RGL1: variants seen among roughly 807,000 people sequenced by gnomAD.
RGL1 encodes ral guanine nucleotide dissociation stimulator-like 1.
Under a neutral mutation model 95.2 loss-of-function variants are expected in RGL1, and 24 were observed. The observed-to-expected ratio is 0.25, with a 90% CI of 0.18 to 0.35. RGL1 has a LOEUF of 0.35. Among genes scored for constraint, RGL1 ranks in the 10% least tolerant of loss-of-function variants. The pLI is 1.00. For synonymous variants in RGL1, 329 were observed against 344.9 expected, an observed-to-expected ratio of 0.95 and a Z score of 0.51; for missense variants, 715 against 936.3, an observed-to-expected ratio of 0.76 and a Z score of 3.08.
chr1:183,870,022 G>A (rs1187038654), intron 4 of RGL1, among the ~76,000 whole-genome samples: 1 of 152,204 alleles, frequency 6.6e-6, no homozygotes, highest in East Asian at 1.9e-4. Context: ...CAGGGATGCT[G>A]CTAAACGTCC....
intron 1 of RGL1, among the ~76,000 whole-genome samples, chr1:183,659,020 C>T (rs1558138485): frequency 6.6e-6 from 1 of 151,800 alleles, no homozygotes; most frequent in African/African-American, 2.4e-5. Context: ...GGAAAACTAA[C>T]AAACAGAAAG....
At chr1:183,770,632 TGGGAAAACA>T (rs1659226159) in intron 2 of RGL1, among the ~76,000 whole-genome samples, 1 of 151,978 alleles carries the variant, frequency 6.6e-6, no homozygotes, top group East Asian at 1.9e-4. Context: ...TAACCATATG[TGGGAAAACA>T]GGAATTAGGG....
chr1:183,926,305 G>T lies in RGL1; in HGVS notation c.*13G>T. ...AATCACCCTCTGAAGGGAGGGACCA[G>T]TGGCCCCTTGTTTGCCAAAGGCAGA... On this transcript the variant is annotated 3_prime_UTR_variant, in exon 18 of 18. Transcript: ENST00000360851. 2.5e-6 allele frequency: 4 copies of T among 1,591,604 alleles called. No individual in the cohort carries two copies. In the South Asian group the frequency reaches 3.4e-5, roughly 13 times the overall value.
intron 2 of RGL1, among the ~76,000 whole-genome samples, chr1:183,785,276 C>T (rs1382928994): frequency 1.3e-5 from 2 of 152,226 alleles, no homozygotes; most frequent in African/African-American, 4.8e-5. Context: ...TATTTTCGGT[C>T]CACCCGTGAA....
chr1:183,648,798 T>C (rs1650508613), intron 1 of RGL1: 1 of 1,548,570 alleles, frequency 6.5e-7, no homozygotes, highest in African/African-American at 1.4e-5. Flanking sequence ...ATTTACTGTC[T>C]TCTAGCTGCA....
At chr1:183,858,856 A>G (rs1454058886) in intron 3 of RGL1, among the ~76,000 whole-genome samples, 1 of 152,238 alleles carries the variant, frequency 6.6e-6, no homozygotes, top group Non-Finnish European at 1.5e-5. Flanking sequence ...AAAGAAAAGT[A>G]TTCTTGAAAA....
At chr1:183,787,867 C>T (rs1192015585) in intron 2 of RGL1, among the ~76,000 whole-genome samples, 2 of 152,048 alleles carry the variant, frequency 1.3e-5, no homozygotes, top group Non-Finnish European at 2.9e-5. Flanking sequence ...GTCTCTCTTG[C>T]TTCCTCTCTC....
intron 2 of RGL1, among the ~76,000 whole-genome samples, chr1:183,816,639 G>T (rs1242456971): frequency 6.6e-6 from 1 of 152,164 alleles, no homozygotes; most frequent in Non-Finnish European, 1.5e-5. Flanking sequence ...TAATATGTAA[G>T]TTTTTATACA....
chr1:183,681,702 G>A (rs548201524), intron 1 of RGL1, among the ~76,000 whole-genome samples: 4 of 152,258 alleles, frequency 2.6e-5, no homozygotes, highest in Non-Finnish European at 4.4e-5. Context: ...AATGAGTTAC[G>A]GAGGAGTTCC....
rs575599044 is a variant in RGL1 at position 183,811,569 on chromosome 1, T to A, written c.138+5084T>A. Among the ~76,000 whole-genome samples the A allele has an allele frequency of 1.3e-4, 20 of 152,344 alleles. 1 individual carries two copies. The South Asian group carries it at 4.1e-3, about 32-fold the overall frequency. ...CCAACTGGTATTTTTAATTTTGACC[T>A]TAGAAACACGTTTTTAAAATTATTA... is the stretch of plus-strand genomic sequence containing the variant. On this transcript the variant is annotated intron_variant, in intron 2 of 17. Transcript: ENST00000360851.
rs79098726 is a variant in RGL1 at position 183,875,983 on chromosome 1, T to C, written c.426-4633T>C. The stretch of plus-strand genomic sequence containing the variant: ...GATCTTTAAGTCCTCTACAAGTGTT[T>C]AGCTCTTTCACCGCAGAACCTCTGC... On this transcript the variant is annotated intron_variant, in intron 4 of 17. Coordinates refer to ENST00000360851, the MANE Select transcript of RGL1 (RefSeq NM_001297671.3). 2.3e-3 allele frequency among the ~76,000 whole-genome samples: 346 copies of C among 152,266 alleles called. 5 individuals carry two copies. The East Asian group carries it at 0.034, about 15-fold the overall frequency.
chr1:183,683,615 A>G (rs1357972868), intron 1 of RGL1, among the ~76,000 whole-genome samples: 3 of 151,408 alleles, frequency 2.0e-5, no homozygotes, highest in African/African-American at 7.3e-5. Context: ...CTTTGTTTCA[A>G]CCTTGGTGAA....
intron 3 of RGL1, among the ~76,000 whole-genome samples, chr1:183,860,461 G>A (rs773106183): frequency 1.1e-4 from 17 of 152,074 alleles, no homozygotes; most frequent in East Asian, 3.9e-4. Context: ...TTCTATTCAC[G>A]CTCACTCAGC....
intron 3 of RGL1, among the ~76,000 whole-genome samples, chr1:183,850,211 T>C (rs1664749183): frequency 6.6e-6 from 1 of 152,214 alleles, no homozygotes; most frequent in Non-Finnish European, 1.5e-5. Context: ...CCTATTTTTC[T>C]TTTGGACTCT....
At chr1:183,704,566 T>C (rs1296198119) in intron 1 of RGL1, among the ~76,000 whole-genome samples, 1 of 152,134 alleles carries the variant, frequency 6.6e-6, no homozygotes, top group Non-Finnish European at 1.5e-5. Context: ...TGGAAGGTGT[T>C]GGTCTGTTAG....
chr1:183,698,691 T>TATA (rs1654398727), intron 1 of RGL1, among the ~76,000 whole-genome samples: 1 of 152,254 alleles, frequency 6.6e-6, no homozygotes, highest in East Asian at 1.9e-4. Flanking sequence ...CATGACATTA[T>TATA]CCAATATAGT....
At chr1:183,814,441 A>C (rs1485382919) in intron 2 of RGL1, among the ~76,000 whole-genome samples, 1 of 151,978 alleles carries the variant, frequency 6.6e-6, no homozygotes, top group African/African-American at 2.4e-5. Flanking sequence ...TTAAACTCTC[A>C]CAGACTCATT....
At chr1:183,892,307 G>GA in intron 9 of RGL1, 146 bp downstream of exon 9, 1 of 576,512 alleles carries the variant, frequency 1.7e-6, no homozygotes, top group South Asian at 2.5e-5. Flanking sequence ...TTTAAATGCA[G>GA]AATCTAAGAA....
intron 15 of RGL1, among the ~76,000 whole-genome samples, chr1:183,915,553 T>C (rs1172315798): frequency 6.6e-6 from 1 of 152,200 alleles, no homozygotes; most frequent in Non-Finnish European, 1.5e-5. Context: ...CTAGCAAATG[T>C]GGAAAGTGGT....
Sources: gnomAD v4.1 joint callset for allele counts (sites outside exome capture counted in the v4.1 genomes callset) on GRCh38, gnomAD v4.1.1 for gene constraint, MANE v1.5 for transcripts, NCBI Gene and HGNC (gene_info 2026-07-23, HGNC 2026-07-21) for gene names.